BMP3: variants seen among roughly 807,000 people sequenced by gnomAD.
BMP3 encodes bone morphogenetic protein 3.
Under a neutral mutation model 38.1 loss-of-function variants are expected in BMP3, and 23 were observed. The observed-to-expected ratio is 0.60, with a 90% confidence interval of 0.43 to 0.86. BMP3 has a LOEUF of 0.86. Ranked by LOEUF, BMP3 falls within the 40% of genes least tolerant of loss-of-function variation. The pLI, the probability that BMP3 is intolerant of heterozygous loss-of-function variation, is 0.00. For missense variants in BMP3, 628 were observed against 579.6 expected, an observed-to-expected ratio of 1.08 and a Z score of -0.86; for synonymous variants, 258 against 225.7, an observed-to-expected ratio of 1.14 and a Z score of -1.28.
chr4:81,046,591 C>T lies in BMP3; in HGVS notation c.1170C>T (p.Ser390=), dbSNP rs750853112. ...TTGGCTGGAGTGAATGGATTATCTC[C>T]CCCAAGTCCTTTGATGCCTATTATT... ...ADIGWSEWII[S]PKSFDAYYCS... The change falls in exon 2 of 3, where the codon TCC becomes TCT. Residue 390 remains serine, a synonymous_variant. Transcript: ENST00000282701. 1.6e-5 allele frequency: 26 copies of T among 1,613,930 alleles called. No individual in the cohort carries two copies. The East Asian group carries it at 5.1e-4, about 32-fold the overall frequency.
chr4:81,034,134 T>C (rs2109901300), intron 1 of BMP3, among the ~76,000 whole-genome samples: 1 of 152,292 alleles, frequency 6.6e-6, no homozygotes, highest in East Asian at 1.9e-4. Flanking sequence ...ACTTAAACCA[T>C]TACTTGATGG....
chr4:81,031,419 C>G lies in BMP3; in HGVS notation c.135C>G (p.Gly45=). Residue 45 remains glycine, a synonymous_variant, in exon 1 of 3, where the codon GGC becomes GGG. Transcript: ENST00000282701. The stretch of plus-strand genomic sequence containing the variant: ...CAGGTGACCGCACGGCAGGTGGTGG[C>G]CCGGACTCCGAGCTGCAGCCGCAAG... ...AVPGDRTAGG[G]PDSELQPQDK... is the part of the protein sequence containing the mutation. The G allele has an allele frequency of 1.2e-6, 2 of 1,613,696 alleles. No individual in the cohort carries two copies. The highest frequency in any genetic ancestry group is 1.7e-6 in the Non-Finnish European group (2 of 1,179,886).
At chr4:81,048,023 T>C (rs1740305663) in intron 2 of BMP3, among the ~76,000 whole-genome samples, 2 of 151,928 alleles carry the variant, frequency 1.3e-5, no homozygotes, top group South Asian at 2.1e-4. Context: ...ACAAACTTGA[T>C]TGAAATTTTA....
At chr4:81,048,095 G>A (rs927912286) in intron 2 of BMP3, among the ~76,000 whole-genome samples, 1 of 151,662 alleles carries the variant, frequency 6.6e-6, no homozygotes, top group Non-Finnish European at 1.5e-5. Flanking sequence ...ATCATTTTAT[G>A]TTTCATAAAC....
rs938776940 is a variant in BMP3, at chr4:81,055,151, T to A, written c.*1615T>A. On this transcript the variant is annotated 3_prime_UTR_variant, in exon 3 of 3. Transcript: ENST00000282701. The stretch of plus-strand genomic sequence containing the variant: ...CCAGCTATTTCACACCCGTCTTCCT[T>A]GAAGGAATGATAGTGATAGATATAA... 6.6e-6 allele frequency: 1 copy of A among 152,206 alleles called. No homozygotes were observed. The highest frequency in any genetic ancestry group is 6.5e-5 in the Admixed American group (1 of 15,274). 9.4% of individuals were successfully genotyped at this position (152,206 alleles called of 1,614,324 possible).
At chr4:81,046,808 G>A (rs1374667063) in intron 2 of BMP3, among the ~76,000 whole-genome samples, 160 bp downstream of exon 2, 1 of 152,062 alleles carries the variant, frequency 6.6e-6, no homozygotes, top group Admixed American at 6.5e-5. Context: ...ACCATAATAG[G>A]TAATATGGTT....
At chr4:81,042,682 G>A (rs1578296619) in intron 1 of BMP3, among the ~76,000 whole-genome samples, 1 of 152,174 alleles carries the variant, frequency 6.6e-6, no homozygotes. Flanking sequence ...GCAAAATGTG[G>A]GGCAAAGGGC....
chr4:81,038,518 A>T (rs547763918), intron 1 of BMP3, among the ~76,000 whole-genome samples: 1 of 152,342 alleles, frequency 6.6e-6, no homozygotes, highest in Admixed American at 6.5e-5. Context: ...TATCCTTTAA[A>T]AATAAACTTG....
At chr4:81,031,986 T>G (rs932772950) in intron 1 of BMP3, among the ~76,000 whole-genome samples, 1 of 152,018 alleles carries the variant, frequency 6.6e-6, no homozygotes, top group African/African-American at 2.4e-5. Flanking sequence ...GAAATTCCTT[T>G]GGACTGGGCT....
intron 1 of BMP3, among the ~76,000 whole-genome samples, 171 bp downstream of exon 1, chr4:81,031,771 C>T (rs572117068): frequency 6.6e-6 from 1 of 152,270 alleles, no homozygotes; most frequent in East Asian, 1.9e-4. Flanking sequence ...CGCGTGTCGC[C>T]AGCTGCATCT....
At chr4:81,044,483 A>G (rs969544051) in intron 1 of BMP3, among the ~76,000 whole-genome samples, 5 of 152,254 alleles carry the variant, frequency 3.3e-5, no homozygotes, top group Non-Finnish European at 5.9e-5. Context: ...TGAAATTCAC[A>G]TAGTATAAAT....
At chr4:81,042,330 TTC>T (rs1177696822) in intron 1 of BMP3, among the ~76,000 whole-genome samples, 5 of 152,190 alleles carry the variant, frequency 3.3e-5, no homozygotes, top group Non-Finnish European at 5.9e-5. Context: ...ATTGAATACT[TTC>T]TGTGTGCTTT....
chr4:81,040,808 A>G (rs909389150), intron 1 of BMP3, among the ~76,000 whole-genome samples: 1 of 152,194 alleles, frequency 6.6e-6, no homozygotes, highest in Non-Finnish European at 1.5e-5. Flanking sequence ...CTAGTACCGA[A>G]TACTATCCAC....
Position 81,055,306 on chromosome 4 carries a change from A to C in BMP3, c.*1770A>C, listed in dbSNP as rs748364082. The C allele has an allele frequency of 7.2e-5, 11 of 152,196 alleles. No individual in the cohort carries two copies. Among genetic ancestry groups the C allele is most frequent in the Non-Finnish European group, 1.6e-4 (11 of 68,044 alleles). The allele number at this position is 152,196 out of a possible 1,614,324, so 9.4% of individuals were successfully genotyped here. A position where few individuals can be genotyped will look rare whatever the true frequency, so the allele number is the denominator to read the frequency against. On this transcript the variant is annotated 3_prime_UTR_variant, in exon 3 of 3. Transcript: ENST00000282701. The stretch of plus-strand genomic sequence containing the variant: ...TGCAAACCCATTAAAAGAATAACTC[A>C]TGAAAAGAAGCTCTTTGACACCTTG...
Position 81,031,371 on chromosome 4 carries a change from C to G in BMP3, c.87C>G (p.Phe29Leu). The change falls in exon 1 of 3, where the codon TTC becomes TTG. Residue 29 changes from phenylalanine to leucine, a missense_variant. Coordinates refer to ENST00000282701, the MANE Select transcript of BMP3 (RefSeq NM_001201.5). ...AGGGAGAGAGACCGAAGCCACCTTT[C>G]CCGGAGCTCCGCAAAGCTGTGCCAG... ...LAQGERPKPP[F>L]PELRKAVPGD... 4 of 1,613,396 alleles carry G rather than the reference C, an allele frequency of 2.5e-6. No homozygotes were observed. Among genetic ancestry groups the G allele is most frequent in the Non-Finnish European group, 3.4e-6 (4 of 1,179,812 alleles).
rs1020479911 is a variant in BMP3, at chr4:81,054,325, A to T, written c.*789A>T. 2 of 152,566 alleles carry T rather than the reference A, an allele frequency of 1.3e-5. No individual in the cohort carries two copies. Among genetic ancestry groups the T allele is most frequent in the African/African-American group, 4.8e-5 (2 of 41,454 alleles). The allele number at this position is 152,566 out of a possible 1,614,324, so 9.5% of individuals were successfully genotyped here. A position where few individuals can be genotyped will look rare whatever the true frequency, so the allele number is the denominator to read the frequency against. ...TTGCAAATACAGTTGTTTTCATTTC[A>T]TTTCCTACCAGAAAAAGGAATCAGA... On this transcript the variant is annotated 3_prime_UTR_variant, in exon 3 of 3. Transcript: ENST00000282701.
intron 1 of BMP3, among the ~76,000 whole-genome samples, chr4:81,043,590 A>ATCTT (rs1740145452): frequency 1.5e-5 from 2 of 130,750 alleles, no homozygotes; most frequent in African/African-American, 5.8e-5. Context: ...GCATACTACA[A>ATCTT]TTTTTTTTTT....
At chr4:81,037,710 G>T (rs541192510) in intron 1 of BMP3, among the ~76,000 whole-genome samples, 1 of 152,218 alleles carries the variant, frequency 6.6e-6, no homozygotes, top group South Asian at 2.1e-4. Context: ...AGATGATGAT[G>T]TAAAAATAGT....
At chr4:81,051,673 A>C (rs1228044041) in intron 2 of BMP3, among the ~76,000 whole-genome samples, 2 of 152,202 alleles carry the variant, frequency 1.3e-5, no homozygotes, top group East Asian at 1.9e-4. Flanking sequence ...TACTGATTGT[A>C]GTTTGTGTAA....
Sources: allele counts gnomAD v4.1 joint callset (sites outside exome capture counted in the v4.1 genomes callset), GRCh38; gene constraint gnomAD v4.1.1; transcripts MANE v1.5; gene names NCBI Gene and HGNC (gene_info 2026-07-23, HGNC 2026-07-21).